The following D2HGDH variants were observed in gnomAD, a reference collection of about 807,000 sequenced individuals.
The protein encoded by D2HGDH is D-2-hydroxyglutarate dehydrogenase, mitochondrial.
D2HGDH carries 31 observed loss-of-function variants against 46.9 expected under a neutral mutation model. That is an observed-to-expected ratio of 0.66 (90% CI 0.50 to 0.89). The LOEUF (loss-of-function observed/expected upper bound fraction) is 0.89, where lower values mean the gene tolerates loss of function less well. Among genes scored for constraint, D2HGDH ranks in the 40% least tolerant of loss-of-function variants. D2HGDH has a pLI of 0.00. For missense variants in D2HGDH, 698 were observed against 720.8 expected, an observed-to-expected ratio of 0.97 and a Z score of 0.36; for synonymous variants, 364 against 332.6, an observed-to-expected ratio of 1.09 and a Z score of -1.03.
At chr2:241,755,535 C>A in intron 8 of D2HGDH, 1 of 1,388,210 alleles carries the variant, frequency 7.2e-7, no homozygotes, top group Non-Finnish European at 9.6e-7. Context: ...TCCCAGCCGC[C>A]TGATTGCCGG....
intron 2 of D2HGDH, among the ~76,000 whole-genome samples, chr2:241,736,405 G>A (rs1050023635): frequency 1.3e-5 from 2 of 149,960 alleles, no homozygotes; most frequent in African/African-American, 2.4e-5. Context: ...CCAAAAGTGT[G>A]AAATCAGGGT....
At position 241,742,475 on chromosome 2, in the gene D2HGDH, G is replaced by T. The variant is rs767103226; in HGVS notation, c.391G>T (p.Gly131Cys). The change falls in exon 4 of 10, where the codon GGC (glycine) becomes TGC (cysteine). Residue 131 changes from glycine (G) to cysteine (C), a missense_variant. Transcript: ENST00000321264. This position sits in a 1 kb window ranked among gnomAD's most constrained non-coding sequence, Gnocchi z 4.8. ...GAACCTGGCCGTGAACCCACAGGGG[G>T]GCAACACAGGCATGGTGGGTGGCAG... Reference protein sequence around the residue: ...ERNLAVNPQGGNTGMVGGSVP... With the variant: ...ERNLAVNPQGCNTGMVGGSVP... 1 of 1,613,888 alleles carries T rather than the reference G, an allele frequency of 6.2e-7. No individual in the cohort carries two copies. The highest frequency in any genetic ancestry group is 1.7e-5 in the Admixed American group (1 of 59,990).
chr2:241,739,680 C>T (rs1365423460), intron 2 of D2HGDH, among the ~76,000 whole-genome samples: 3 of 152,212 alleles, frequency 2.0e-5, no homozygotes, highest in East Asian at 1.9e-4. Flanking sequence ...GCAACACCGG[C>T]GAACTAGCTC....
intron 8 of D2HGDH, chr2:241,755,197 C>G (rs1334570940): frequency 7.7e-7 from 1 of 1,294,290 alleles, no homozygotes; most frequent in South Asian, 1.3e-5. Flanking sequence ...CCCGCCGTGT[C>G]CCTCCTCCTC....
chr2:241,755,085 A>T, intron 8 of D2HGDH: 11 of 1,303,890 alleles, frequency 8.4e-6, no homozygotes, highest in Non-Finnish European at 1.1e-5. Flanking sequence ...AAGCCACGCA[A>T]ACCACAGGCC....
intron 8 of D2HGDH, chr2:241,755,244 C>CCCGCCCGCCGTGTCCCTCCTCCT: frequency 9.3e-7 from 1 of 1,071,636 alleles, no homozygotes; most frequent in South Asian, 1.5e-5. Context: ...TCCCCCGTGG[C>CCCGCCCGCCGTGTCCCTCCTCCT]CCACCCACCA....
At chr2:241,744,004 G>C (rs1459129207) in intron 5 of D2HGDH, among the ~76,000 whole-genome samples, 189 bp downstream of exon 5, 3 of 152,242 alleles carry the variant, frequency 2.0e-5, no homozygotes, top group Non-Finnish European at 4.4e-5. Flanking sequence ...GCCCTGCCCT[G>C]TCCTCCCACG....
chr2:241,743,756 G>A lies in D2HGDH; in HGVS notation c.625G>A (p.Gly209Arg). The A allele has an allele frequency of 6.2e-7, 1 of 1,611,962 alleles. No individual in the cohort carries two copies. Among genetic ancestry groups the A allele is most frequent in the African/African-American group, 1.3e-5 (1 of 75,008 alleles). Residue 209 changes from glycine (G) to arginine (R), a missense_variant, in exon 5 of 10, where the codon GGA (glycine) becomes AGA (arginine). Gly to Arg is a moderately radical substitution (Grantham distance 125). Coordinates refer to ENST00000321264, the MANE Select transcript of D2HGDH (RefSeq NM_152783.5). The surrounding 1 kb of genome is among the most constrained non-coding windows in gnomAD (Gnocchi z 4.8). ...CGGGGGAAACGTGGCAACCAACGCT[G>A]GAGGCCTGCGGTTTCTTCGATATGG... is the stretch of plus-strand genomic sequence containing the variant. ...HIGGNVATNA[G>R]GLRFLRYGSL...
At chr2:241,749,493 C>G (rs1311483488) in intron 6 of D2HGDH, 2 of 854,300 alleles carry the variant, frequency 2.3e-6, no homozygotes, top group South Asian at 3.6e-5. Flanking sequence ...ACTTGAGGGT[C>G]GGCTTCCCCA....
At chr2:241,739,361 C>T (rs1347127736) in intron 2 of D2HGDH, among the ~76,000 whole-genome samples, 3 of 152,220 alleles carry the variant, frequency 2.0e-5, no homozygotes, top group South Asian at 2.1e-4. Context: ...TGAGCCCACT[C>T]GGGACAGGGA....
intron 6 of D2HGDH, chr2:241,748,744 C>T (rs961235354): frequency 3.9e-6 from 4 of 1,014,692 alleles, no homozygotes; most frequent in Admixed American, 5.1e-5. Flanking sequence ...GACCCCGGAA[C>T]GGCTGGGGCA....
At chr2:241,750,374 C>G in intron 7 of D2HGDH, 80 bp downstream of exon 7, 2 of 780,808 alleles carry the variant, frequency 2.6e-6, no homozygotes, top group Non-Finnish European at 3.8e-6. Flanking sequence ...CTCAGAGACC[C>G]CGGGTGGGCG....
At chr2:241,749,591 T>A (rs1362853592) in intron 6 of D2HGDH, 7 of 324,804 alleles carry the variant, frequency 2.2e-5, no homozygotes, top group Middle Eastern at 7.2e-4. Context: ...AAGACCTGAG[T>A]GCTGATTGTG....
At chr2:241,767,687 C>A in intron 9 of D2HGDH, 23 bp from the exon 10 acceptor site, 1 of 1,612,250 alleles carries the variant, frequency 6.2e-7, no homozygotes, top group East Asian at 2.2e-5. Context: ...CCCAGCCTGA[C>A]CCATGTGCCC....
chr2:241,748,753 C>A, intron 6 of D2HGDH: 1 of 1,049,458 alleles, frequency 9.5e-7, no homozygotes, highest in South Asian at 2.2e-5. Context: ...ACGGCTGGGG[C>A]AGCCTTGACT....
rs1214677111 is a variant in D2HGDH, at chr2:241,750,244, T to G, written c.947T>G (p.Val316Gly). Residue 316 changes from valine (V) to glycine (G), a missense_variant, in exon 7 of 10, where the codon GTG becomes GGG. Physicochemically the swap from Val to Gly is moderately radical, Grantham distance 109. Coordinates refer to ENST00000321264, the MANE Select transcript of D2HGDH (RefSeq NM_152783.5). ...ILSAFEFMDA[V>G]CMQLVGRHLH... is the part of the protein sequence containing the mutation. ...TCTGCATTCGAGTTCATGGATGCTG[T>G]GTGCATGCAGCTGGTCGGGCGCCAT... is the stretch of plus-strand genomic sequence containing the variant. 6.2e-7 allele frequency: 1 copy of G among 1,614,018 alleles called. No homozygotes were observed. Among genetic ancestry groups the G allele is most frequent in the Non-Finnish European group, 8.5e-7 (1 of 1,180,030 alleles).
intron 6 of D2HGDH, chr2:241,749,203 A>G: frequency 1.1e-6 from 1 of 896,662 alleles, no homozygotes. Context: ...CACCACCACC[A>G]CCTCCCACAC....
In D2HGDH at chr2:241,744,980, C is replaced by A. The variant is rs924674890; in HGVS notation, c.853+103C>A. 1.4e-5 allele frequency: 21 copies of A among 1,483,816 alleles called. 1 individual carries two copies. The highest frequency in any genetic ancestry group is 4.7e-5 in the South Asian group (4 of 85,864). The allele number at this position is 1,483,816 out of a possible 1,614,324, so 91.9% of individuals were successfully genotyped here. On this transcript the variant is annotated intron_variant, in intron 6 of 9. Transcript: ENST00000321264. The stretch of plus-strand genomic sequence containing the variant: ...AGGAAGGGGATGGAGGGACCCCCCG[C>A]CAAGGACAGTCGGTTCCCGTGTCTC...
At chr2:241,753,692 G>A (rs996709774) in intron 8 of D2HGDH, among the ~76,000 whole-genome samples, 1 of 152,250 alleles carries the variant, frequency 6.6e-6, no homozygotes, top group Non-Finnish European at 1.5e-5. Flanking sequence ...CGCACCAGAT[G>A]CCCCGGGCTC....
Sources: allele counts gnomAD v4.1 joint callset (sites outside exome capture counted in the v4.1 genomes callset), GRCh38; gene constraint gnomAD v4.1.1; non-coding constraint Gnocchi (gnomAD v3.1); transcripts MANE v1.5; gene names NCBI Gene and HGNC (gene_info 2026-07-23, HGNC 2026-07-21).